DHRSX: variants seen among roughly 807,000 people sequenced by gnomAD.
The protein encoded by DHRSX is dehydrogenase/reductase X-linked, also known as polyprenol dehydrogenase.
In DHRSX, 31 loss-of-function variants were observed where a neutral mutation model predicts 34.0. That is an observed-to-expected ratio of 0.91 (90% confidence interval 0.69 to 1.23). The LOEUF is 1.23. DHRSX is among the 50% of genes most tolerant of loss of function. The probability of loss-of-function intolerance (pLI) is 0.00; values close to 1 mark genes in which losing one functional copy is unlikely to be tolerated. For synonymous variants in DHRSX, 201 were observed against 183.8 expected (o/e 1.09, Z -0.76); for missense variants, 414 against 428.1 (o/e 0.97, Z 0.29).
intron 3 of DHRSX, among the ~76,000 whole-genome samples, chrX:2,308,194 T>C (rs940813108): frequency 3.9e-5 from 6 of 152,026 alleles, no homozygotes; most frequent in African/African-American, 1.5e-4. Context: ...GTTATCCATG[T>C]GGCAAGAACA....
chrX:2,229,580 A>T (rs1002414599), intron 6 of DHRSX, among the ~76,000 whole-genome samples: 1 of 152,048 alleles, frequency 6.6e-6, no homozygotes, highest in Non-Finnish European at 1.5e-5. Flanking sequence ...GTGTGCACAG[A>T]TATGCATAGG....
intron 3 of DHRSX, among the ~76,000 whole-genome samples, chrX:2,407,351 G>T (rs954081380): frequency 6.6e-6 from 1 of 152,176 alleles, no homozygotes; most frequent in Non-Finnish European, 1.5e-5. Flanking sequence ...CCACGGCTTT[G>T]ACAAGCTGCT....
At chrX:2,343,415 A>C (rs1461188858) in intron 3 of DHRSX, among the ~76,000 whole-genome samples, 1 of 152,202 alleles carries the variant, frequency 6.6e-6, no homozygotes, top group East Asian at 1.9e-4. Flanking sequence ...GTTACATTTC[A>C]TTCAAAAGGC....
At chrX:2,328,293 G>A (rs2042413799) in intron 3 of DHRSX, among the ~76,000 whole-genome samples, 1 of 151,664 alleles carries the variant, frequency 6.6e-6, no homozygotes, top group South Asian at 2.1e-4. Context: ...TTCTGTGATA[G>A]CAGCCTGAAA....
intron 1 of DHRSX, among the ~76,000 whole-genome samples, chrX:2,443,870 G>A (rs1485687036): frequency 3.3e-5 from 5 of 152,124 alleles, no homozygotes; most frequent in Non-Finnish European, 7.4e-5. Context: ...GCCGGGTGTG[G>A]TGGCGGAAGC....
In DHRSX at chrX:2,397,951, C is replaced by CACACACACACAT. The variant is rs1310422569; in HGVS notation, c.286+10793_286+10794insATGTGTGTGTGT. 4.0e-4 allele frequency among the ~76,000 whole-genome samples: 60 copies of CACACACACACAT among 149,714 alleles called. 1 individual carries two copies. The highest frequency in any genetic ancestry group is 1.4e-3 in the African/African-American group (57 of 39,950). On this transcript the variant is annotated intron_variant, in intron 3 of 6. Coordinates refer to ENST00000334651, the MANE Select transcript of DHRSX (RefSeq NM_145177.3). ...GCGCGCACACACACACACACACACACACATAGATACATATGCCAACAGGCT... is the reference window on the plus strand; with the variant it reads ...GCGCGCACACACACACACACACACACACACACACACATACATAGATACATATGCCAACAGGCT...
At chrX:2,266,968 G>C (rs761804334) in intron 4 of DHRSX, 21 bp from the exon 5 acceptor site, 1 of 1,612,056 alleles carries the variant, frequency 6.2e-7, no homozygotes, top group African/African-American at 1.3e-5. Context: ...GAGAATATCA[G>C]AAGGAGTTAG....
chrX:2,232,860 T>A (rs1261497481), intron 6 of DHRSX, among the ~76,000 whole-genome samples: 1 of 151,966 alleles, frequency 6.6e-6, no homozygotes, highest in Non-Finnish European at 1.5e-5. Flanking sequence ...GCATGAGCCA[T>A]CGTGCCCGAC....
intron 1 of DHRSX, among the ~76,000 whole-genome samples, chrX:2,463,270 C>G (rs1407446807): frequency 6.6e-6 from 1 of 152,162 alleles, no homozygotes; most frequent in Non-Finnish European, 1.5e-5. Context: ...GACCTGAGAT[C>G]ACACCACTGC....
intron 4 of DHRSX, among the ~76,000 whole-genome samples, chrX:2,285,879 C>G (rs988748091): frequency 2.6e-5 from 4 of 152,130 alleles, no homozygotes; most frequent in Admixed American, 2.0e-4. Context: ...ACATCTGGCC[C>G]AAGCTTCAGC....
intron 1 of DHRSX, among the ~76,000 whole-genome samples, chrX:2,433,210 G>C: frequency 6.6e-6 from 1 of 152,056 alleles, no homozygotes; most frequent in Middle Eastern, 3.4e-3. Flanking sequence ...ACTTCCATCA[G>C]AAATATTAAC....
chrX:2,408,428 C>T (rs1388868388), intron 3 of DHRSX, among the ~76,000 whole-genome samples: 1 of 152,090 alleles, frequency 6.6e-6, no homozygotes, highest in East Asian at 1.9e-4. Flanking sequence ...CTGGCATGTG[C>T]CCTGGAGGTC....
chrX:2,248,044 T>C (rs1430220794), intron 5 of DHRSX, among the ~76,000 whole-genome samples: 1 of 152,156 alleles, frequency 6.6e-6, no homozygotes, highest in Non-Finnish European at 1.5e-5. Flanking sequence ...ACGGCTATAA[T>C]CCCGGCACTT....
At chrX:2,277,121 CGA>C (rs770977702) in intron 4 of DHRSX, among the ~76,000 whole-genome samples, 296 of 27,204 alleles carry the variant, frequency 0.011, 1 homozygote, top group East Asian at 0.029. Context: ...GGAGGGCAAA[CGA>C]GAGAGGGAGA....
At chrX:2,462,264 T>C (rs1299106719) in intron 1 of DHRSX, among the ~76,000 whole-genome samples, 1 of 152,100 alleles carries the variant, frequency 6.6e-6, no homozygotes, top group African/African-American at 2.4e-5. Context: ...CCCTTATTTT[T>C]GGAAGGCCCA....
chrX:2,222,698 C>A (rs2015548652), intron 6 of DHRSX, among the ~76,000 whole-genome samples: 1 of 152,184 alleles, frequency 6.6e-6, no homozygotes, highest in South Asian at 2.1e-4. Context: ...GGCCACATGG[C>A]AAAACCTAGC....
At chrX:2,484,122 A>T (rs1336483025) in intron 1 of DHRSX, among the ~76,000 whole-genome samples, 1 of 152,050 alleles carries the variant, frequency 6.6e-6, no homozygotes, top group Non-Finnish European at 1.5e-5. Context: ...ACAGGTGCCC[A>T]CCACCATGCC....
At chrX:2,498,526 C>T (rs1160568632) in intron 1 of DHRSX, among the ~76,000 whole-genome samples, 1 of 151,196 alleles carries the variant, frequency 6.6e-6, no homozygotes, top group Non-Finnish European at 1.5e-5. Context: ...CATTCTGTTT[C>T]GATACACACC....
intron 3 of DHRSX, among the ~76,000 whole-genome samples, chrX:2,291,987 G>A (rs757439688): frequency 9.2e-5 from 13 of 141,844 alleles, no homozygotes; most frequent in South Asian, 4.6e-4. Context: ...TGATCCGCCC[G>A]CCTCAGCCTC....
Sources: gnomAD v4.1 joint callset for allele counts (sites outside exome capture counted in the v4.1 genomes callset) on GRCh38, gnomAD v4.1.1 for gene constraint, MANE v1.5 for transcripts, NCBI Gene and HGNC (gene_info 2026-07-23, HGNC 2026-07-21) for gene names.